Variants in ITGA6 observed in about 807,000 individuals in gnomAD.
ITGA6 encodes integrin subunit alpha 6.
Under a neutral mutation model 133.6 loss-of-function variants are expected in ITGA6, and 63 were observed. That is an observed-to-expected ratio of 0.47 (90% CI 0.38 to 0.58). ITGA6 has a LOEUF of 0.58. ITGA6 is among the 20% of genes least tolerant of loss of function. The pLI is 0.00. For missense variants in ITGA6, 1,068 were observed against 1,309.4 expected (o/e 0.82, Z 2.85); for synonymous variants, 434 against 482.0 (o/e 0.90, Z 1.30).
chr2:172,499,987 A>C (rs1191329885), intron 24 of ITGA6, among the ~76,000 whole-genome samples: 1 of 152,184 alleles, frequency 6.6e-6, no homozygotes, highest in Non-Finnish European at 1.5e-5. Context: ...GGACTCTAAA[A>C]TACGACTTAT....
intron 9 of ITGA6, among the ~76,000 whole-genome samples, chr2:172,478,464 G>T (rs1035964706): frequency 6.6e-6 from 1 of 152,174 alleles, no homozygotes; most frequent in Non-Finnish European, 1.5e-5. Context: ...GAGTTCTGGT[G>T]GGGAGCAATG....
intron 5 of ITGA6, 43 bp from the exon 6 acceptor site, chr2:172,474,012 A>G (rs371649676): frequency 9.9e-6 from 14 of 1,415,508 alleles, no homozygotes; most frequent in Admixed American, 5.1e-5. Context: ...GGCCTAAAAT[A>G]TATGGATTGA....
At position 172,467,666 on chromosome 2, in the gene ITGA6, T is replaced by C; in HGVS notation, c.387+106T>C. The stretch of plus-strand genomic sequence containing the variant: ...CAGGGAGCATACATTCTAGCGAACT[T>C]ACTGCTTTAAAGCAGGAATGGATGT... On this transcript the variant is annotated intron_variant, in intron 3 of 25. Transcript: ENST00000684293. 5.7e-6 allele frequency: 5 copies of C among 881,712 alleles called. No individual in the cohort carries two copies. The South Asian group carries it at 6.8e-5, about 12-fold the overall frequency. The allele number at this position is 881,712 out of a possible 1,614,324, so 54.6% of individuals were successfully genotyped here.
chr2:172,475,673 C>T lies in ITGA6; in HGVS notation c.1257C>T (p.Thr419=). The change falls in exon 8 of 26, where the codon ACC becomes ACT. Residue 419 remains threonine, a synonymous_variant. Transcript: ENST00000684293. ...IYHGSANGIN[T]KPTQVLKGIS... ...ATGGATCTGCAAATGGAATAAATACCAAACCAACACAGGTAACCAAATAAC... is the reference window on the plus strand; with the variant it reads ...ATGGATCTGCAAATGGAATAAATACTAAACCAACACAGGTAACCAAATAAC... 6.3e-7 allele frequency: 1 copy of T among 1,580,160 alleles called. No homozygotes were observed. The highest frequency in any genetic ancestry group is 8.7e-7 in the Non-Finnish European group (1 of 1,149,166).
At position 172,471,006 on chromosome 2, in the gene ITGA6, T is replaced by A; in HGVS notation, c.676T>A (p.Phe226Ile). 1.2e-6 allele frequency: 2 copies of A among 1,614,104 alleles called. No individual in the cohort carries two copies. The highest frequency in any genetic ancestry group is 1.7e-6 in the Non-Finnish European group (2 of 1,179,982). Residue 226 changes from phenylalanine to isoleucine, a missense_variant, in exon 5 of 26, where the codon TTT becomes ATT. Transcript: ENST00000684293. ...IVRVEQKNNTFFDMNIFEDGP... is the reference protein window; with the variant it reads ...IVRVEQKNNTIFDMNIFEDGP... Reference sequence around the variant, plus strand: ...TCGTGTAGAGCAAAAGAATAACACTTTTTTTGACATGAACATCTTTGAAGA... The same window carrying A: ...TCGTGTAGAGCAAAAGAATAACACTATTTTTGACATGAACATCTTTGAAGA...
At chr2:172,453,106 G>A (rs1054803732) in intron 1 of ITGA6, among the ~76,000 whole-genome samples, 8 of 152,176 alleles carry the variant, frequency 5.3e-5, no homozygotes, top group African/African-American at 1.7e-4. Flanking sequence ...GTGAAAGGTC[G>A]TGTTCTCAAC....
rs1244112654 is a variant in ITGA6 at position 172,498,988 on chromosome 2, T to C, written c.3114+888T>C. ...TAGTAGCATTAGGTATGCAGTGCAT[T>C]ACTCATTTTAAAGGACAAAAATTTT... On this transcript the variant is annotated intron_variant, in intron 24 of 25. Transcript: ENST00000684293. Among the ~76,000 whole-genome samples, 4 of 152,206 alleles carry C rather than the reference T, an allele frequency of 2.6e-5. No individual in the cohort carries two copies. In the East Asian group the frequency reaches 7.7e-4, roughly 29 times the overall value.
chr2:172,473,601 T>C (rs1352717391), intron 5 of ITGA6, among the ~76,000 whole-genome samples: 1 of 152,228 alleles, frequency 6.6e-6, no homozygotes, highest in East Asian at 1.9e-4. Flanking sequence ...GTAAAAATAC[T>C]GGTCATTAAA....
At chr2:172,468,987 G>A (rs1265391969) in intron 3 of ITGA6, 138 bp from the exon 4 acceptor site, 1 of 895,000 alleles carries the variant, frequency 1.1e-6, no homozygotes, top group Non-Finnish European at 1.8e-6. Context: ...GCTGGTCTGG[G>A]ATCCGGTCCC....
intron 2 of ITGA6, 122 bp downstream of exon 2, chr2:172,465,785 C>A: frequency 7.6e-7 from 1 of 1,317,592 alleles, no homozygotes; most frequent in Non-Finnish European, 1.1e-6. Flanking sequence ...TTGCATCAGA[C>A]TTGACTGTTT....
chr2:172,468,647 T>TG (rs1196710006), intron 3 of ITGA6, among the ~76,000 whole-genome samples: 2 of 152,144 alleles, frequency 1.3e-5, no homozygotes, highest in Admixed American at 1.3e-4. Flanking sequence ...GGAAATAGTG[T>TG]GGGGAAAAGG....
chr2:172,436,700 C>CT (rs1321379397), intron 1 of ITGA6, among the ~76,000 whole-genome samples: 1 of 152,156 alleles, frequency 6.6e-6, no homozygotes, highest in Admixed American at 6.5e-5. Context: ...CCGTGGCCAG[C>CT]TTTTTGGGGT....
chr2:172,499,236 C>T (rs1249026534), intron 24 of ITGA6, among the ~76,000 whole-genome samples: 1 of 152,174 alleles, frequency 6.6e-6, no homozygotes, highest in Non-Finnish European at 1.5e-5. Context: ...GATTGAAGCT[C>T]ATGACAAAAC....
intron 1 of ITGA6, among the ~76,000 whole-genome samples, chr2:172,450,341 AATG>A (rs1684936122): frequency 6.6e-6 from 1 of 152,162 alleles, no homozygotes; most frequent in South Asian, 2.1e-4. Context: ...AACCAGTTAG[AATG>A]ATACTATAGT....
rs1394073182 is a variant in ITGA6 at position 172,427,746 on chromosome 2, G to T, written c.-43G>T. On this transcript the variant is annotated 5_prime_UTR_variant, in exon 1 of 26. Coordinates refer to ENST00000684293, the MANE Select transcript of ITGA6 (RefSeq NM_000210.4). ...CCTCGGACCCAGCCCGGAGCGCAGGGCGGCCGCTGCAGGTCCCCGCTCCCC... is the reference window on the plus strand; with the variant it reads ...CCTCGGACCCAGCCCGGAGCGCAGGTCGGCCGCTGCAGGTCCCCGCTCCCC... 10 of 1,523,180 alleles carry T rather than the reference G, an allele frequency of 6.6e-6. No homozygotes were observed. Among genetic ancestry groups the T allele is most frequent in the Non-Finnish European group, 8.8e-6 (10 of 1,135,248 alleles). The allele number at this position is 1,523,180 out of a possible 1,614,324, so 94.4% of individuals were successfully genotyped here.
At chr2:172,468,193 G>A (rs1413149490) in intron 3 of ITGA6, among the ~76,000 whole-genome samples, 1 of 152,094 alleles carries the variant, frequency 6.6e-6, no homozygotes, top group African/African-American at 2.4e-5. Flanking sequence ...TAAAAATATG[G>A]GCATGGTCTT....
intron 19 of ITGA6, among the ~76,000 whole-genome samples, chr2:172,488,460 G>A (rs1240106732): frequency 7.9e-5 from 12 of 152,168 alleles, no homozygotes; most frequent in African/African-American, 2.7e-4. Context: ...TTTAGAATGC[G>A]TTATGATTTA....
intron 8 of ITGA6, 123 bp downstream of exon 8, chr2:172,475,808 A>T (rs569447428): frequency 2.2e-5 from 15 of 674,180 alleles, no homozygotes; most frequent in Admixed American, 1.3e-4. Context: ...AATAGTATAA[A>T]TTTTTTAAAA....
chr2:172,504,149 G>A lies in ITGA6; in HGVS notation c.*81G>A. On this transcript the variant is annotated 3_prime_UTR_variant, in exon 26 of 26. Transcript: ENST00000684293. ...AGTGTTCCCCGATACCATGCTGTAAGGATCCGGAAAGAAGAGCGAGAGATC... is the reference window on the plus strand; with the variant it reads ...AGTGTTCCCCGATACCATGCTGTAAAGATCCGGAAAGAAGAGCGAGAGATC... 1 of 1,598,754 alleles carries A rather than the reference G, an allele frequency of 6.3e-7. No homozygotes were observed. The highest frequency in any genetic ancestry group is 1.1e-5 in the South Asian group (1 of 88,376).
Sources: allele counts gnomAD v4.1 joint callset (sites outside exome capture counted in the v4.1 genomes callset), GRCh38; gene constraint gnomAD v4.1.1; transcripts MANE v1.5; gene names NCBI Gene and HGNC (gene_info 2026-07-23, HGNC 2026-07-21).